Variants in CYP21A2 observed in about 807,000 individuals in gnomAD.
CYP21A2 encodes the protein steroid 21-hydroxylase.
CYP21A2 carries 24 observed loss-of-function variants against 47.4 expected under a neutral mutation model. That is an observed-to-expected ratio of 0.51 (90% CI 0.37 to 0.71). CYP21A2 has a LOEUF of 0.71. Ranked by LOEUF, CYP21A2 falls within the 30% of genes least tolerant of loss-of-function variation. CYP21A2 has a pLI of 0.00. For missense variants in CYP21A2, 358 were observed against 643.2 expected (o/e 0.56, Z 4.80); for synonymous variants, 130 against 273.9 (o/e 0.47, Z 5.19).
At chr6:32,039,965 C>A in intron 6 of CYP21A2, 40 bp from the exon 7 acceptor site, 1 of 1,611,222 alleles carries the variant, frequency 6.2e-7, no homozygotes. Context: ...ACTCCTCTCC[C>A]CAGGCCAGCC....
chr6:32,039,752 T>G lies in CYP21A2; in HGVS notation c.655T>G (p.Phe219Val). ...ATTCTCATGCTTCCTGCCGCAGTTC[T>G]TCCCCAATCCAGGTCTCCGGAGGCT... Reference protein sequence around the residue: ...IVDVIPFLRFFPNPGLRRLKQ... With the variant: ...IVDVIPFLRFVPNPGLRRLKQ... Residue 219 changes from phenylalanine (F) to valine (V), a missense_variant, in exon 6 of 10, where the codon TTC (phenylalanine) becomes GTC (valine). Phe to Val is a conservative substitution (Grantham distance 50). Coordinates refer to ENST00000644719, the MANE Select transcript of CYP21A2 (RefSeq NM_000500.9). 1 of 1,611,136 alleles carries G rather than the reference T, an allele frequency of 6.2e-7. No homozygotes were observed. The highest frequency in any genetic ancestry group is 8.5e-7 in the Non-Finnish European group (1 of 1,178,688).
Position 32,041,166 on chromosome 6 carries a change from A to C in CYP21A2, c.*32A>C. On this transcript the variant is annotated 3_prime_UTR_variant, in exon 10 of 10. Coordinates refer to ENST00000644719, the MANE Select transcript of CYP21A2 (RefSeq NM_000500.9). ...AGGACCGATGCCAGCCGGGTACCTCAGTTTCTCCTTTATTGCTCCCGTACG... is the reference window on the plus strand; with the variant it reads ...AGGACCGATGCCAGCCGGGTACCTCCGTTTCTCCTTTATTGCTCCCGTACG... 4 of 1,549,338 alleles carry C rather than the reference A, an allele frequency of 2.6e-6. No individual in the cohort carries two copies. The highest frequency in any genetic ancestry group is 3.5e-6 in the Non-Finnish European group (4 of 1,129,414).
intron 2 of CYP21A2, 32 bp from the exon 3 acceptor site, chr6:32,039,062 T>TTCCCCCCCCCCCCCCCC: frequency 6.4e-7 from 1 of 1,565,838 alleles, no homozygotes; most frequent in Non-Finnish European, 8.7e-7. Context: ...CTTCATCAGT[T>TTCCCCCCCCCCCCCCCC]CCCACCCTCC....
chr6:32,040,369 G>A (rs1460762948), intron 7 of CYP21A2, 37 bp from the exon 8 acceptor site: 10 of 1,611,434 alleles, frequency 6.2e-6, no homozygotes, highest in Middle Eastern at 1.6e-4. Context: ...GGCAGCTGTG[G>A]GCTGCTGGGG....
At chr6:32,038,853 T>G (rs1776025932) in intron 2 of CYP21A2, 42 bp downstream of exon 2, 13 of 1,432,672 alleles carry the variant, frequency 9.1e-6, no homozygotes, top group Non-Finnish European at 1.3e-5. Context: ...AAAAATTTTT[T>G]TTTAAGAGAT....
rs1159630190 is a variant in CYP21A2 at position 32,041,101 on chromosome 6, G to T, written c.1455G>T (p.Gly485=). 28 of 1,591,870 alleles carry T rather than the reference G, an allele frequency of 1.8e-5. No homozygotes were observed. Among genetic ancestry groups the T allele is most frequent in the African/African-American group, 4.0e-5 (3 of 74,824 alleles). The change falls in exon 10 of 10, where the codon GGG becomes GGT. Residue 485 remains glycine, a synonymous_variant. Coordinates refer to ENST00000644719, the MANE Select transcript of CYP21A2 (RefSeq NM_000500.9). ...QPFQVRLQPR[G]MGAHSPGQSQ The stretch of plus-strand genomic sequence containing the variant: ...TCCAAGTGCGGCTGCAGCCCCGGGG[G>T]ATGGGGGCCCACAGCCCGGGCCAGA...
chr6:32,039,440 T>C lies in CYP21A2; in HGVS notation c.532T>C (p.Phe178Leu), dbSNP rs1484859707. The change falls in exon 4 of 10, where the codon TTC becomes CTC. Residue 178 changes from phenylalanine (F) to leucine (L), a missense_variant. Transcript: ENST00000644719. ...LTCSIICYLT[F>L]GDKIKDDNLM... ...CTGCAGCATCATCTGTTACCTCACC[T>C]TCGGAGACAAGATCAAGGTGCCTCA... 1 of 1,611,922 alleles carries C rather than the reference T, an allele frequency of 6.2e-7. No individual in the cohort carries two copies. Among genetic ancestry groups the C allele is most frequent in the Admixed American group, 1.7e-5 (1 of 59,794 alleles).
At chr6:32,039,270 C>T in intron 3 of CYP21A2, 22 bp downstream of exon 3, 2 of 1,572,108 alleles carry the variant, frequency 1.3e-6, no homozygotes, top group Non-Finnish European at 1.7e-6. Flanking sequence ...CTCCTGAGGC[C>T]ACCTCGGGTC....
At chr6:32,038,839 T>G in intron 2 of CYP21A2, 28 bp downstream of exon 2, 1 of 1,462,264 alleles carries the variant, frequency 6.8e-7, no homozygotes, top group Non-Finnish European at 9.5e-7. Flanking sequence ...TTTTTCTTTC[T>G]TAAAAAAATT....
At chr6:32,038,952 G>A in intron 2 of CYP21A2, 141 bp downstream of exon 2, 1 of 1,503,312 alleles carries the variant, frequency 6.7e-7, no homozygotes, top group Non-Finnish European at 9.1e-7. Context: ...CCACCTTTGG[G>A]GCATCCCCAA....
rs186816029 is a variant in CYP21A2, at chr6:32,038,990, G to A, written c.293-104G>A. The A allele has an allele frequency of 3.9e-6, 6 of 1,543,226 alleles. No homozygotes were observed. The African/African-American group carries it at 5.5e-5, about 14-fold the overall frequency. Reference sequence around the variant, plus strand: ...CAGGTCCCTGGAAGCTCTTGGGGGGGCATATCTGGTGGGGAGAAAGCAGGG... The same window carrying A: ...CAGGTCCCTGGAAGCTCTTGGGGGGACATATCTGGTGGGGAGAAAGCAGGG... On this transcript the variant is annotated intron_variant, in intron 2 of 9. Transcript: ENST00000644719.
rs771505510 is a variant in CYP21A2, at chr6:32,039,098, G to C, written c.297G>C (p.Lys99Asn). The change falls in exon 3 of 10, where the codon AAG becomes AAC. Residue 99 changes from lysine to asparagine, a missense_variant. Lys to Asn is a moderately conservative substitution (Grantham distance 94). Transcript: ENST00000644719. ...FAGRPEPLTY[K>N]LVSRNYPDLS... ...AGCCCCCACCTCCTCCTGCAGACAAGCTGGTGTCTAGGAACTACCCGGACC... is the reference window on the plus strand; with the variant it reads ...AGCCCCCACCTCCTCCTGCAGACAACCTGGTGTCTAGGAACTACCCGGACC... The C allele has an allele frequency of 2.0e-6, 3 of 1,529,652 alleles. No individual in the cohort carries two copies. The East Asian group carries it at 7.5e-5, about 38-fold the overall frequency. The allele number at this position is 1,529,652 out of a possible 1,614,324, so 94.8% of individuals were successfully genotyped here. A position where few individuals can be genotyped will look rare whatever the true frequency, so the allele number is the denominator to read the frequency against.
At chr6:32,038,977 A>AGG in intron 2 of CYP21A2, 117 bp from the exon 3 acceptor site, 1 of 1,531,546 alleles carries the variant, frequency 6.5e-7, no homozygotes, top group East Asian at 2.5e-5. Context: ...GGTCCCTGGA[A>AGG]GCTCTTGGGG....
Position 32,038,494 on chromosome 6 carries a change from G to T in CYP21A2, c.72G>T (p.Lys24Asn). The change falls in exon 1 of 10, where the codon AAG becomes AAT. Residue 24 changes from lysine to asparagine, a missense_variant. Coordinates refer to ENST00000644719, the MANE Select transcript of CYP21A2 (RefSeq NM_000500.9). The part of the protein sequence containing the change: ...AGARLLWNWW[K>N]LRSLHLPPLA... The stretch of plus-strand genomic sequence containing the variant: ...CCCGCCTGCTGTGGAACTGGTGGAA[G>T]CTCCGGAGCCTCCACCTCCCGCCTC... 6.3e-7 allele frequency: 1 copy of T among 1,593,270 alleles called. No individual in the cohort carries two copies.
In CYP21A2 at chr6:32,039,967, A is replaced by T. The variant is rs752681549; in HGVS notation, c.739-38A>T. On this transcript the variant is annotated intron_variant, in intron 6 of 9. Transcript: ENST00000644719. ...GTTGCCACTCTGTACTCCTCTCCCC[A>T]GGCCAGCCGCTCAGCCCGCTCCTTT... 13 of 1,611,036 alleles carry T rather than the reference A, an allele frequency of 8.1e-6. No homozygotes were observed. The Admixed American group carries it at 1.0e-4, about 12-fold the overall frequency.
chr6:32,038,971 C>A lies in CYP21A2; in HGVS notation c.293-123C>A, dbSNP rs185054992. The A allele has an allele frequency of 2.5e-4, 385 of 1,529,268 alleles. 1 individual carries two copies. Among genetic ancestry groups the A allele is most frequent in the Admixed American group, 1.1e-3 (53 of 50,246 alleles). 94.7% of individuals were successfully genotyped at this position (1,529,268 alleles called of 1,614,324 possible). ...CTTTGGGGCATCCCCAATCCAGGTC[C>A]CTGGAAGCTCTTGGGGGGGCATATC... On this transcript the variant is annotated intron_variant, in intron 2 of 9. Transcript: ENST00000644719.
chr6:32,040,200 C>G lies in CYP21A2; in HGVS notation c.934C>G (p.Pro312Ala), dbSNP rs536088585. ...GGCCGTGGTTTTTTTGCTTCACCAC[C>G]CTGAGGTGCGTCCTGGGGACAAGCA... ...SWAVVFLLHH[P>A]EIQQRLQEEL... is the part of the protein sequence containing the mutation. The change falls in exon 7 of 10, where the codon CCT becomes GCT. Residue 312 changes from proline (P) to alanine (A), a missense_variant. Transcript: ENST00000644719. The G allele has an allele frequency of 2.5e-6, 4 of 1,612,766 alleles. No homozygotes were observed. In the African/African-American group the frequency reaches 5.3e-5, roughly 22 times the overall value.
In CYP21A2 at chr6:32,039,223, A is replaced by G. The variant is rs762017598; in HGVS notation, c.422A>G (p.Glu141Gly). The G allele has an allele frequency of 6.3e-7, 1 of 1,587,340 alleles. No individual in the cohort carries two copies. The highest frequency in any genetic ancestry group is 8.6e-7 in the Non-Finnish European group (1 of 1,166,954). Residue 141 changes from glutamate to glycine, a missense_variant, in exon 3 of 10, where the codon GAG (glutamate) becomes GGG (glycine). Coordinates refer to ENST00000644719, the MANE Select transcript of CYP21A2 (RefSeq NM_000500.9). ...GIRDSMEPVV[E>G]QLTQEFCERM... is the part of the protein sequence containing the mutation. Reference sequence around the variant, plus strand: ...CGTGACTCCATGGAGCCAGTGGTGGAGCAGCTGACCCAGGAGTTCTGTGAG... The same window carrying G: ...CGTGACTCCATGGAGCCAGTGGTGGGGCAGCTGACCCAGGAGTTCTGTGAG...
At chr6:32,038,919 C>G in intron 2 of CYP21A2, 108 bp downstream of exon 2, 1 of 1,382,860 alleles carries the variant, frequency 7.2e-7, no homozygotes, top group Non-Finnish European at 1.0e-6. Context: ...AAATGATCCT[C>G]CCACCTCAGC....
Sources: allele counts gnomAD v4.1 joint callset, GRCh38; gene constraint gnomAD v4.1.1; transcripts MANE v1.5; gene names NCBI Gene and HGNC (gene_info 2026-07-23, HGNC 2026-07-21).